Variants in PTPRK observed in about 807,000 individuals in gnomAD.
PTPRK encodes protein tyrosine phosphatase receptor type K, also known as receptor-type tyrosine-protein phosphatase kappa.
PTPRK carries 75 observed loss-of-function variants against 178.0 expected under a neutral mutation model. The observed-to-expected ratio is 0.42, with a 90% CI of 0.35 to 0.51. PTPRK has a LOEUF of 0.51. Ranked by LOEUF, PTPRK falls within the 20% of genes least tolerant of loss-of-function variation. The pLI is 0.02. For synonymous variants in PTPRK, 637 were observed against 620.6 expected (o/e 1.03, Z -0.39); for missense variants, 1,441 against 1,797.8 (o/e 0.80, Z 3.59).
chr6:128,512,924 A>G (rs1157957328), intron 1 of PTPRK, among the ~76,000 whole-genome samples: 1 of 152,228 alleles, frequency 6.6e-6, no homozygotes, highest in East Asian at 1.9e-4. Flanking sequence ...GCTACTAGTA[A>G]TGTCAGAGGG....
At chr6:127,975,683 C>T (rs1450815636) in intron 27 of PTPRK, among the ~76,000 whole-genome samples, 1 of 151,972 alleles carries the variant, frequency 6.6e-6, no homozygotes, top group South Asian at 2.1e-4. Context: ...TTATTAATAT[C>T]TTTTTTTGGG....
chr6:128,404,820 G>A (rs988065496), intron 1 of PTPRK, among the ~76,000 whole-genome samples: 1 of 152,178 alleles, frequency 6.6e-6, no homozygotes, highest in Non-Finnish European at 1.5e-5. Context: ...AACTTGCCAA[G>A]AGTCACAGAG....
chr6:128,332,183 T>G (rs985357751), intron 2 of PTPRK, among the ~76,000 whole-genome samples: 1 of 152,210 alleles, frequency 6.6e-6, no homozygotes, highest in Non-Finnish European at 1.5e-5. Flanking sequence ...AAAAAACAAG[T>G]ACTTGGCCAT....
chr6:128,057,854 A>G (rs1780163095), intron 13 of PTPRK, among the ~76,000 whole-genome samples: 1 of 152,162 alleles, frequency 6.6e-6, no homozygotes, highest in Non-Finnish European at 1.5e-5. Context: ...ATCATAATAC[A>G]TCTATATAGG....
intron 3 of PTPRK, among the ~76,000 whole-genome samples, chr6:128,307,282 C>A (rs185768024): frequency 1.3e-5 from 2 of 150,458 alleles, no homozygotes; most frequent in Admixed American, 6.6e-5. Context: ...ATGAATCCAG[C>A]ACTAAGGAAG....
chr6:128,127,077 G>A lies in PTPRK; in HGVS notation c.1163-37085C>T, dbSNP rs114078260. On this transcript the variant is annotated intron_variant, in intron 7 of 29. Transcript: ENST00000368226. The stretch of plus-strand genomic sequence containing the variant: ...TTCATTGGATCATCTTTGTGTCTTT[G>A]TTACAGAGCAGTAAACTATATTTGT... 6.2e-3 allele frequency among the ~76,000 whole-genome samples: 940 copies of A among 151,984 alleles called. 18 individuals carry two copies. Among genetic ancestry groups the A allele is most frequent in the African/African-American group, 0.021 (890 of 41,442 alleles).
At chr6:128,345,957 C>T (rs1832376786) in intron 2 of PTPRK, among the ~76,000 whole-genome samples, 1 of 152,216 alleles carries the variant, frequency 6.6e-6, no homozygotes, top group Middle Eastern at 3.4e-3. Context: ...TTTCTTAATA[C>T]CTCTTGTATC....
chr6:128,450,043 C>T (rs1476693120), intron 1 of PTPRK, among the ~76,000 whole-genome samples: 12 of 146,398 alleles, frequency 8.2e-5, no homozygotes, highest in Admixed American at 3.5e-4. Context: ...AGGTTGGGGG[C>T]GGGGGCGGAG....
chr6:127,985,162 T>C (rs973538023), intron 22 of PTPRK, among the ~76,000 whole-genome samples: 1 of 152,212 alleles, frequency 6.6e-6, no homozygotes, highest in Non-Finnish European at 1.5e-5. Flanking sequence ...GAGAAGTTTC[T>C]AATCAGAAGA....
At chr6:128,402,187 A>G (rs1283146714) in intron 1 of PTPRK, among the ~76,000 whole-genome samples, 1 of 152,238 alleles carries the variant, frequency 6.6e-6, no homozygotes. Flanking sequence ...TGATAATCTG[A>G]GTAATACAGT....
intron 3 of PTPRK, among the ~76,000 whole-genome samples, chr6:128,287,738 G>A (rs980742826): frequency 2.6e-5 from 4 of 152,122 alleles, no homozygotes; most frequent in African/African-American, 7.2e-5. Context: ...ATGAGCTGAC[G>A]TTAGCTGTTC....
At chr6:128,328,410 A>G (rs749202607) in intron 2 of PTPRK, among the ~76,000 whole-genome samples, 11 of 152,218 alleles carry the variant, frequency 7.2e-5, no homozygotes, top group Non-Finnish European at 1.5e-4. Flanking sequence ...AGACAAAGAC[A>G]CTAGTTAATA....
At chr6:128,228,119 A>T (rs940587200) in intron 5 of PTPRK, among the ~76,000 whole-genome samples, 10 of 141,082 alleles carry the variant, frequency 7.1e-5, no homozygotes, top group East Asian at 5.9e-4. Context: ...AAGTCTAATT[A>T]AAAAAAAAAA....
intron 2 of PTPRK, among the ~76,000 whole-genome samples, chr6:128,391,322 T>A (rs1010945373): frequency 6.6e-6 from 1 of 152,062 alleles, no homozygotes; most frequent in Non-Finnish European, 1.5e-5. Context: ...ATCTCTCAGT[T>A]CCCCTTAGGA....
intron 2 of PTPRK, among the ~76,000 whole-genome samples, chr6:128,350,486 T>G (rs1459146990): frequency 6.6e-6 from 1 of 152,118 alleles, no homozygotes; most frequent in Non-Finnish European, 1.5e-5. Context: ...AAGGTATTCA[T>G]CAATCCAACG....
chr6:128,485,458 GCA>G (rs145991670), intron 1 of PTPRK, among the ~76,000 whole-genome samples: 2,486 of 150,752 alleles, frequency 0.016, 31 homozygotes, highest in Non-Finnish European at 0.026. Context: ...GAAAATGCAT[GCA>G]CACACACACA....
intron 25 of PTPRK, among the ~76,000 whole-genome samples, chr6:127,980,875 A>G (rs971317574): frequency 5.3e-5 from 8 of 152,214 alleles, no homozygotes; most frequent in Non-Finnish European, 1.2e-4. Context: ...TATTTACTAC[A>G]TGAATATAAT....
chr6:128,273,798 T>G (rs2128298759), intron 3 of PTPRK, among the ~76,000 whole-genome samples: 1 of 152,240 alleles, frequency 6.6e-6, no homozygotes, highest in South Asian at 2.1e-4. Flanking sequence ...AAGTCGCAAT[T>G]TATCACTGTA....
chr6:128,233,065 A>G (rs996646671), intron 5 of PTPRK, among the ~76,000 whole-genome samples: 1 of 152,246 alleles, frequency 6.6e-6, no homozygotes, highest in South Asian at 2.1e-4. Flanking sequence ...CTTCATTATA[A>G]TAAGTGGAAA....
Sources: allele counts gnomAD v4.1 joint callset (sites outside exome capture counted in the v4.1 genomes callset), GRCh38; gene constraint gnomAD v4.1.1; transcripts MANE v1.5; gene names NCBI Gene and HGNC (gene_info 2026-07-23, HGNC 2026-07-21).